PARP8: variants seen among roughly 807,000 people sequenced by gnomAD.
The protein encoded by PARP8 is poly(ADP-ribose) polymerase family member 8.
PARP8 carries 51 observed loss-of-function variants against 124.1 expected under a neutral mutation model. The ratio of observed to expected loss-of-function variants is 0.41; its 90% CI spans 0.33 to 0.52. The LOEUF is 0.52. PARP8 is among the 20% of genes least tolerant of loss of function. The pLI is 0.21. For synonymous variants in PARP8, 391 were observed against 361.5 expected (o/e 1.08, Z -0.93); for missense variants, 860 against 1,018.9 (o/e 0.84, Z 2.12).
At position 50,667,000 on chromosome 5, in the gene PARP8, T is replaced by G. The variant is rs1310260603; in HGVS notation, c.-96T>G. 6.5e-7 allele frequency: 1 copy of G among 1,543,700 alleles called. No homozygotes were observed. Among genetic ancestry groups the G allele is most frequent in the Non-Finnish European group, 8.7e-7 (1 of 1,148,714 alleles). On this transcript the variant is annotated 5_prime_UTR_variant, in exon 1 of 26. Transcript: ENST00000281631. ...TTCAGCCCCTGCCTCGGCCAGAGGTTTCATTTTTAACTGAATATTTACGAA... is the reference window on the plus strand; with the variant it reads ...TTCAGCCCCTGCCTCGGCCAGAGGTGTCATTTTTAACTGAATATTTACGAA...
At chr5:50,839,459 T>C (rs1360661219) in intron 25 of PARP8, among the ~76,000 whole-genome samples, 2 of 151,974 alleles carry the variant, frequency 1.3e-5, no homozygotes, top group Non-Finnish European at 2.9e-5. Context: ...TAGCAACTTA[T>C]GTATCTAAGC....
Position 50,794,227 on chromosome 5 carries a change from C to T in PARP8, c.758C>T (p.Thr253Ile). 1 of 1,612,448 alleles carries T rather than the reference C, an allele frequency of 6.2e-7. No homozygotes were observed. Among genetic ancestry groups the T allele is most frequent in the Non-Finnish European group, 8.5e-7 (1 of 1,179,088 alleles). ...GACAGAATCATGCAGACATTTGTTA[C>T]ACAGCAGTGGAAACAGAGCAAAGAA... ...QLKKIMQTFV[T>I]QQWKQSKEKS... The change falls in exon 11 of 26, where the codon ACA (threonine) becomes ATA (isoleucine). Residue 253 changes from threonine (T) to isoleucine (I), a missense_variant. This residue lies in a region of PARP8 where 517 missense variants were observed against 544.2 expected (regional missense o/e 0.95). Transcript: ENST00000281631.
At chr5:50,682,000 A>G (rs750181780) in intron 2 of PARP8, among the ~76,000 whole-genome samples, 5 of 152,200 alleles carry the variant, frequency 3.3e-5, no homozygotes, top group Non-Finnish European at 5.9e-5. Flanking sequence ...TGGTTGGTTT[A>G]AAACCTTTTT....
intron 15 of PARP8, among the ~76,000 whole-genome samples, chr5:50,820,171 C>T (rs1745598242): frequency 6.6e-6 from 1 of 152,040 alleles, no homozygotes; most frequent in Middle Eastern, 3.2e-3. Context: ...TTGTGAGTAC[C>T]CACACAACAT....
chr5:50,761,434 G>T (rs957592975), intron 5 of PARP8, among the ~76,000 whole-genome samples: 3 of 151,866 alleles, frequency 2.0e-5, no homozygotes, highest in Non-Finnish European at 4.4e-5. Context: ...TTTAGAGTTG[G>T]CAGGGGAAGT....
At chr5:50,800,441 A>T (rs1032643124) in intron 14 of PARP8, among the ~76,000 whole-genome samples, 2 of 152,038 alleles carry the variant, frequency 1.3e-5, no homozygotes, top group African/African-American at 4.8e-5. Flanking sequence ...AATGTGCTTG[A>T]CTAGAACTTC....
intron 10 of PARP8, among the ~76,000 whole-genome samples, chr5:50,790,504 C>T (rs1741828421): frequency 6.6e-6 from 1 of 151,990 alleles, no homozygotes; most frequent in Non-Finnish European, 1.5e-5. Context: ...CAATTTCCTC[C>T]CTTGTTTTTA....
chr5:50,797,307 T>A, intron 14 of PARP8, 74 bp downstream of exon 14: 1 of 1,112,270 alleles, frequency 9.0e-7, no homozygotes, highest in South Asian at 1.7e-5. Context: ...AATATAAAAA[T>A]AAGTAAATAA....
intron 2 of PARP8, among the ~76,000 whole-genome samples, chr5:50,730,310 G>C (rs945355436): frequency 1.4e-4 from 21 of 152,164 alleles, no homozygotes; most frequent in Admixed American, 3.9e-4. Context: ...AAAGGAAAGA[G>C]GTTTAATTGA....
intron 2 of PARP8, among the ~76,000 whole-genome samples, chr5:50,732,750 C>T (rs1344809184): frequency 1.3e-5 from 2 of 151,780 alleles, no homozygotes; most frequent in Admixed American, 6.6e-5. Flanking sequence ...TCCTGAGTAG[C>T]TGGGACTACA....
chr5:50,766,107 TAAAG>T (rs1761034268), intron 7 of PARP8, among the ~76,000 whole-genome samples: 1 of 152,200 alleles, frequency 6.6e-6, no homozygotes, highest in African/African-American at 2.4e-5. Flanking sequence ...AAAATCCTCT[TAAAG>T]AAGGCTGAAA....
At chr5:50,793,166 A>G (rs1742154462) in intron 10 of PARP8, among the ~76,000 whole-genome samples, 1 of 152,070 alleles carries the variant, frequency 6.6e-6, no homozygotes, top group African/African-American at 2.4e-5. Context: ...TTTCTGTTTT[A>G]CTCTGTGACA....
At chr5:50,840,818 A>T (rs949887007) in intron 25 of PARP8, among the ~76,000 whole-genome samples, 1 of 151,906 alleles carries the variant, frequency 6.6e-6, no homozygotes, top group Non-Finnish European at 1.5e-5. Flanking sequence ...GCTGTGTACC[A>T]CATATCCCAT....
rs1748292419 is a variant in PARP8 at position 50,842,623 on chromosome 5, A to G, written c.*555A>G. On this transcript the variant is annotated 3_prime_UTR_variant, in exon 26 of 26. Transcript: ENST00000281631. ...TGCTTTGCCAAAAAGTATGTAATAT[A>G]CACATCTATACATTCATGCATCAAA... The G allele has an allele frequency of 6.6e-6, 1 of 151,896 alleles. No homozygotes were observed. Among genetic ancestry groups the G allele is most frequent in the African/African-American group, 2.4e-5 (1 of 41,408 alleles). The allele number at this position is 151,896 out of a possible 1,614,324, so 9.4% of individuals were successfully genotyped here.
chr5:50,814,606 A>G (rs1332159815), intron 14 of PARP8, among the ~76,000 whole-genome samples: 4 of 152,092 alleles, frequency 2.6e-5, no homozygotes, highest in African/African-American at 9.7e-5. Flanking sequence ...CCAATTCTGA[A>G]CATAAATGAT....
At chr5:50,751,015 G>A (rs1382209740) in intron 3 of PARP8, among the ~76,000 whole-genome samples, 1 of 152,076 alleles carries the variant, frequency 6.6e-6, no homozygotes, top group Non-Finnish European at 1.5e-5. Context: ...TGAAATAAAA[G>A]CCCCACTATT....
intron 2 of PARP8, among the ~76,000 whole-genome samples, chr5:50,738,456 TA>T (rs772627583): frequency 1.3e-5 from 2 of 152,074 alleles, no homozygotes; most frequent in Non-Finnish European, 1.5e-5. Flanking sequence ...AATAATCAGG[TA>T]AAAATCATAA....
intron 18 of PARP8, among the ~76,000 whole-genome samples, chr5:50,825,198 T>G (rs1430593503): frequency 2.0e-5 from 3 of 152,180 alleles, no homozygotes; most frequent in Non-Finnish European, 4.4e-5. Context: ...TGCTGTCACA[T>G]GCACTACCAG....
chr5:50,782,483 A>G (rs930783244), intron 9 of PARP8, among the ~76,000 whole-genome samples: 26 of 152,362 alleles, frequency 1.7e-4, no homozygotes, highest in Non-Finnish European at 2.6e-4. Flanking sequence ...AGACAGTGTT[A>G]CTAAAAAGGA....
Sources: gnomAD v4.1 joint callset for allele counts (sites outside exome capture counted in the v4.1 genomes callset) on GRCh38, gnomAD v4.1.1 for gene constraint, gnomAD v4.1.1 regional missense constraint, MANE v1.5 for transcripts, NCBI Gene and HGNC (gene_info 2026-07-23, HGNC 2026-07-21) for gene names.